Variants in MOSPD3 observed in about 807,000 individuals in gnomAD.
MOSPD3 encodes motile sperm domain-containing protein 3.
A neutral mutation model predicts 23.3 loss-of-function variants in MOSPD3; 20 were observed. That is an observed-to-expected ratio of 0.86 (90% CI 0.61 to 1.25). The LOEUF (loss-of-function observed/expected upper bound fraction) is 1.25, where lower values mean the gene tolerates loss of function less well. Among genes scored for constraint, MOSPD3 ranks in the 50% most tolerant of loss-of-function variants. MOSPD3 has a pLI of 0.00. For synonymous variants in MOSPD3, 136 were observed against 135.2 expected (o/e 1.01, Z -0.04); for missense variants, 307 against 315.7 (o/e 0.97, Z 0.21).
rs1290215592 is a variant in MOSPD3, at chr7:100,615,042, T to G, written c.676+11T>G. ...CCGCCTACGTCTTGGGTGAGGACAGTAGTGGCCAGGGACCCAGGCCCCAGG... is the reference window on the plus strand; with the variant it reads ...CCGCCTACGTCTTGGGTGAGGACAGGAGTGGCCAGGGACCCAGGCCCCAGG... On this transcript the variant is annotated intron_variant, in intron 4 of 4. Transcript: ENST00000393950. The G allele has an allele frequency of 6.2e-7, 1 of 1,614,186 alleles. No individual in the cohort carries two copies. The highest frequency in any genetic ancestry group is 1.3e-5 in the African/African-American group (1 of 75,046).
intron 3 of MOSPD3, 107 bp downstream of exon 3, chr7:100,613,813 G>A: frequency 1.0e-6 from 1 of 989,446 alleles, no homozygotes; most frequent in African/African-American, 1.6e-5. Context: ...TCAGTCTTTT[G>A]TCTTTTGGTG....
chr7:100,614,791 T>C (rs745413191), intron 3 of MOSPD3, 76 bp from the exon 4 acceptor site: 5 of 1,467,780 alleles, frequency 3.4e-6, no homozygotes, highest in Non-Finnish European at 4.6e-6. Context: ...ACATCTTCCT[T>C]GTTCAGGCTT....
chr7:100,613,288 T>TG lies in MOSPD3; in HGVS notation c.281+23dup. 1 of 1,588,578 alleles carries TG rather than the reference T, an allele frequency of 6.3e-7. No homozygotes were observed. The highest frequency in any genetic ancestry group is 8.6e-7 in the Non-Finnish European group (1 of 1,158,040). Reference sequence around the variant, plus strand: ...TTGACATGTGAGTGAGCTGGGAGGGTGGGGAGGCTTGTGGAAGCCAGGGGT... The same window carrying TG: ...TTGACATGTGAGTGAGCTGGGAGGGTGGGGGAGGCTTGTGGAAGCCAGGGGT... On this transcript the variant is annotated intron_variant, in intron 2 of 4. Coordinates refer to ENST00000393950, the MANE Select transcript of MOSPD3 (RefSeq NM_023948.5).
chr7:100,614,870 C>G lies in MOSPD3; in HGVS notation c.515C>G (p.Pro172Arg), dbSNP rs760473229. The stretch of plus-strand genomic sequence containing the variant: ...TCTGATGAGTCTTGTTTCTCAGACC[C>G]CCGCCAGCAACTGGCCACCAGCTCC... ...PPTARHFQEH[P>R]RQQLATSSFL... Residue 172 changes from proline (P) to arginine (R), a missense_variant, in exon 4 of 5, where the codon CCC (proline) becomes CGC (arginine). Coordinates refer to ENST00000393950, the MANE Select transcript of MOSPD3 (RefSeq NM_023948.5). 6.2e-7 allele frequency: 1 copy of G among 1,613,774 alleles called. No homozygotes were observed. Among genetic ancestry groups the G allele is most frequent in the South Asian group, 1.1e-5 (1 of 91,050 alleles).
chr7:100,614,467 CAA>C (rs56091610), intron 3 of MOSPD3, among the ~76,000 whole-genome samples: 3 of 128,748 alleles, frequency 2.3e-5, no homozygotes, highest in African/African-American at 2.9e-5. Flanking sequence ...GACTCCGTCT[CAA>C]AAAAAAAAAA....
In MOSPD3 at chr7:100,615,286, T is replaced by C; in HGVS notation, c.*103T>C. 1 of 1,034,578 alleles carries C rather than the reference T, an allele frequency of 9.7e-7. No homozygotes were observed. Among genetic ancestry groups the C allele is most frequent in the South Asian group, 1.6e-5 (1 of 61,152 alleles). 64.1% of individuals were successfully genotyped at this position (1,034,578 alleles called of 1,614,324 possible). ...ACCTTGCCTCCTACCCTCTTCTCTT[T>C]CCTGCCTACTCCCCACTCCTCCCTG... On this transcript the variant is annotated 3_prime_UTR_variant, in exon 5 of 5. Transcript: ENST00000393950.
intron 3 of MOSPD3, among the ~76,000 whole-genome samples, chr7:100,614,584 C>T (rs973426216): frequency 6.6e-6 from 1 of 151,976 alleles, no homozygotes; most frequent in Non-Finnish European, 1.5e-5. Flanking sequence ...TCAAGATCAG[C>T]TTGGACAACA....
chr7:100,613,181 C>T lies in MOSPD3; in HGVS notation c.206-13C>T. On this transcript the variant is annotated splice_polypyrimidine_tract_variant and intron_variant, in intron 1 of 4. Transcript: ENST00000393950. ...CATGGCAGGGCTTGTCTGTGTGTGT[C>T]TCTATCCCCCAGTCCTGTGCACAGC... 1 of 1,613,802 alleles carries T rather than the reference C, an allele frequency of 6.2e-7. No homozygotes were observed. Among genetic ancestry groups the T allele is most frequent in the Non-Finnish European group, 8.5e-7 (1 of 1,179,726 alleles).
intron 3 of MOSPD3, 42 bp from the exon 4 acceptor site, chr7:100,614,825 C>T (rs1562832108): frequency 3.8e-6 from 6 of 1,580,644 alleles, no homozygotes; most frequent in East Asian, 2.3e-5. Flanking sequence ...CTGGGCTGGG[C>T]AGGAGTGGGG....
chr7:100,613,791 A>G, intron 3 of MOSPD3, 85 bp downstream of exon 3: 2 of 1,219,424 alleles, frequency 1.6e-6, no homozygotes, highest in Non-Finnish European at 2.3e-6. Context: ...GGATTTGAAG[A>G]AGTCTCCTGG....
chr7:100,613,177 G>GT lies in MOSPD3; in HGVS notation c.206-16dup. ...CCCACATGGCAGGGCTTGTCTGTGT[G>GT]TGTCTCTATCCCCCAGTCCTGTGCA... On this transcript the variant is annotated splice_polypyrimidine_tract_variant and intron_variant, in intron 1 of 4. Transcript: ENST00000393950. 1.2e-6 allele frequency: 2 copies of GT among 1,613,704 alleles called. No homozygotes were observed. The highest frequency in any genetic ancestry group is 1.7e-6 in the Non-Finnish European group (2 of 1,179,636).
rs1802904496 is a variant in MOSPD3 at position 100,613,650 on chromosome 7, C to T, written c.455C>T (p.Pro152Leu). 4 of 1,613,886 alleles carry T rather than the reference C, an allele frequency of 2.5e-6. No homozygotes were observed. Among genetic ancestry groups the T allele is most frequent in the Non-Finnish European group, 3.4e-6 (4 of 1,180,042 alleles). Residue 152 changes from proline to leucine, a missense_variant, in exon 3 of 5, where the codon CCT becomes CTT. Coordinates refer to ENST00000393950, the MANE Select transcript of MOSPD3 (RefSeq NM_023948.5). ...CTTCAGGGACAGCCAGATCCAGCGC[C>T]TCGCCCAGGGCCTCCTGCTGGGACA... ...LELQGQPDPAPRPGPPAGTPP... is the reference protein window; with the variant it reads ...LELQGQPDPALRPGPPAGTPP...
At chr7:100,613,043 G>T in intron 1 of MOSPD3, 47 bp downstream of exon 1, 1 of 1,607,952 alleles carries the variant, frequency 6.2e-7, no homozygotes, top group African/African-American at 1.3e-5. Context: ...GACACTGGGG[G>T]GTTGTGTTGG....
rs140279967 is a variant in MOSPD3 at position 100,613,261 on chromosome 7, C to A, written c.273C>A (p.Cys91Ter). The A allele has an allele frequency of 6.2e-7, 1 of 1,608,636 alleles. No homozygotes were observed. The highest frequency in any genetic ancestry group is 8.5e-7 in the Non-Finnish European group (1 of 1,175,852). ...AGGGATATGTGAAGCCCCAGTCTTG[C>A]ATTGACATGTGAGTGAGCTGGGAGG... is the stretch of plus-strand genomic sequence containing the variant. ...DAEGYVKPQS[C>*]IDIVIRHVAP... Residue 91 changes from cysteine to a stop codon, truncating the protein, a stop_gained, in exon 2 of 5, where the codon TGC (cysteine) becomes TGA (stop). Transcript: ENST00000393950. LOFTEE classifies it high-confidence loss of function.
rs200808077 is a variant in MOSPD3 at position 100,613,659 on chromosome 7, G to T, written c.464G>T (p.Gly155Val). Reference sequence around the variant, plus strand: ...CAGCCAGATCCAGCGCCTCGCCCAGGGCCTCCTGCTGGGACACCACCACCC... The same window carrying T: ...CAGCCAGATCCAGCGCCTCGCCCAGTGCCTCCTGCTGGGACACCACCACCC... ...QGQPDPAPRPGPPAGTPPPTA... is the reference protein window; with the variant it reads ...QGQPDPAPRPVPPAGTPPPTA... Residue 155 changes from glycine to valine, a missense_variant, in exon 3 of 5, where the codon GGG becomes GTG. By Grantham distance (109) the Gly-to-Val change is moderately radical (BLOSUM62 -3). Coordinates refer to ENST00000393950, the MANE Select transcript of MOSPD3 (RefSeq NM_023948.5). 2.5e-6 allele frequency: 4 copies of T among 1,613,724 alleles called. No homozygotes were observed. The highest frequency in any genetic ancestry group is 3.4e-6 in the Non-Finnish European group (4 of 1,180,030).
intron 2 of MOSPD3, 73 bp from the exon 3 acceptor site, chr7:100,613,404 G>A (rs1347879755): frequency 1.3e-6 from 2 of 1,566,198 alleles, no homozygotes; most frequent in Non-Finnish European, 1.8e-6. Context: ...AGAGACTTCT[G>A]GGGGGAGGCC....
chr7:100,612,730 C>A lies in MOSPD3; in HGVS notation c.-62C>A. The A allele has an allele frequency of 7.3e-7, 1 of 1,370,168 alleles. No individual in the cohort carries two copies. The highest frequency in any genetic ancestry group is 9.9e-7 in the Non-Finnish European group (1 of 1,006,172). 84.9% of individuals were successfully genotyped at this position (1,370,168 alleles called of 1,614,324 possible). ...CCCTTTCGCCCCTCACGCCCCCCAGCTCTGACTCCAGGCCCTGTCCCCTGA... is the reference window on the plus strand; with the variant it reads ...CCCTTTCGCCCCTCACGCCCCCCAGATCTGACTCCAGGCCCTGTCCCCTGA... On this transcript the variant is annotated 5_prime_UTR_variant, in exon 1 of 5. Transcript: ENST00000393950.
At position 100,614,939 on chromosome 7, in the gene MOSPD3, T is replaced by C. The variant is rs950698370; in HGVS notation, c.584T>C (p.Leu195Pro). The change falls in exon 4 of 5, where the codon CTG (leucine) becomes CCG (proline). Residue 195 changes from leucine (L) to proline (P), a missense_variant. By Grantham distance (98) the Leu-to-Pro change is moderately conservative. Coordinates refer to ENST00000393950, the MANE Select transcript of MOSPD3 (RefSeq NM_023948.5). ...LLTGIVSVAFLLLPLPDELGS... is the reference protein window; with the variant it reads ...LLTGIVSVAFPLLPLPDELGS... ...ACGGGGATTGTGTCTGTGGCCTTCCTGCTGCTCCCACTCCCGGACGAACTC... is the reference window on the plus strand; with the variant it reads ...ACGGGGATTGTGTCTGTGGCCTTCCCGCTGCTCCCACTCCCGGACGAACTC... 1 of 1,614,118 alleles carries C rather than the reference T, an allele frequency of 6.2e-7. No homozygotes were observed. Among genetic ancestry groups the C allele is most frequent in the Non-Finnish European group, 8.5e-7 (1 of 1,179,972 alleles).
intron 4 of MOSPD3, 26 bp from the exon 5 acceptor site, chr7:100,615,126 C>A: frequency 6.2e-7 from 1 of 1,614,150 alleles, no homozygotes; most frequent in Non-Finnish European, 8.5e-7. Context: ...CCATGCGACC[C>A]TATTCTTTCT....
Sources: allele counts gnomAD v4.1 joint callset (sites outside exome capture counted in the v4.1 genomes callset), GRCh38; gene constraint gnomAD v4.1.1; transcripts MANE v1.5; gene names NCBI Gene and HGNC (gene_info 2026-07-23, HGNC 2026-07-21).